DGKI: variants seen among roughly 807,000 people sequenced by gnomAD.
DGKI encodes the protein DAG kinase iota.
In DGKI, 55 loss-of-function variants were observed where a neutral mutation model predicts 147.5. The ratio of observed to expected loss-of-function variants is 0.37; its 90% confidence interval spans 0.30 to 0.47. The LOEUF (loss-of-function observed/expected upper bound fraction) is 0.47. DGKI is among the 20% of genes least tolerant of loss of function. The pLI is 1.00. For synonymous variants in DGKI, 469 were observed against 477.1 expected (o/e 0.98, Z 0.22); for missense variants, 1,007 against 1,323.8 (o/e 0.76, Z 3.71).
At chr7:137,571,443 TATC>T (rs1818790192) in intron 18 of DGKI, among the ~76,000 whole-genome samples, 157 bp from the exon 19 acceptor site, 1 of 152,258 alleles carries the variant, frequency 6.6e-6, no homozygotes, top group Non-Finnish European at 1.5e-5. Flanking sequence ...ATGCACTTCT[TATC>T]ATCTACAAAA....
intron 1 of DGKI, among the ~76,000 whole-genome samples, chr7:137,842,885 A>AGG (rs2117114454): frequency 6.6e-6 from 1 of 152,322 alleles, no homozygotes; most frequent in East Asian, 1.9e-4. Context: ...GCCGTGTATT[A>AGG]CAGATGAGGG....
At chr7:137,570,841 G>A (rs1046874781) in intron 19 of DGKI, among the ~76,000 whole-genome samples, 3 of 151,938 alleles carry the variant, frequency 2.0e-5, no homozygotes, top group African/African-American at 4.8e-5. Context: ...CACCCACCTC[G>A]GCCTCCCAAA....
chr7:137,775,940 C>A (rs541225097), intron 1 of DGKI, among the ~76,000 whole-genome samples: 1 of 151,214 alleles, frequency 6.6e-6, no homozygotes, highest in Admixed American at 6.6e-5. Context: ...CTCACTGCAA[C>A]CTCCGCCTCC....
chr7:137,727,813 C>T (rs929622587), intron 1 of DGKI, among the ~76,000 whole-genome samples: 1 of 152,146 alleles, frequency 6.6e-6, no homozygotes, highest in African/African-American at 2.4e-5. Context: ...GACCATTTTG[C>T]TTGTGGTCCG....
intron 21 of DGKI, among the ~76,000 whole-genome samples, chr7:137,504,940 T>C (rs1288367472): frequency 6.6e-6 from 1 of 152,008 alleles, no homozygotes. Context: ...AATGAAAAAT[T>C]AGCCACAGAC....
chr7:137,714,150 A>G (rs776142554), intron 1 of DGKI, among the ~76,000 whole-genome samples: 1 of 152,294 alleles, frequency 6.6e-6, no homozygotes, highest in Non-Finnish European at 1.5e-5. Context: ...ATTTTGGATT[A>G]TTTGCTATTA....
chr7:137,672,517 C>A (rs1771207430), intron 3 of DGKI, among the ~76,000 whole-genome samples: 1 of 152,172 alleles, frequency 6.6e-6, no homozygotes, highest in African/African-American at 2.4e-5. Context: ...GTGGGGAACC[C>A]AAACTGGGTA....
intron 8 of DGKI, among the ~76,000 whole-genome samples, chr7:137,618,830 C>G (rs554678501): frequency 6.6e-6 from 1 of 152,246 alleles, no homozygotes; most frequent in African/African-American, 2.4e-5. Flanking sequence ...AGACACTATA[C>G]TTGCCTCTGG....
At chr7:137,729,787 G>A (rs957805158) in intron 1 of DGKI, among the ~76,000 whole-genome samples, 32 of 151,938 alleles carry the variant, frequency 2.1e-4, no homozygotes, top group Non-Finnish European at 1.5e-5. Flanking sequence ...AATTTTCTTG[G>A]CCTTCAAGAC....
chr7:137,511,303 C>T (rs1229571517), intron 21 of DGKI, among the ~76,000 whole-genome samples: 1 of 152,174 alleles, frequency 6.6e-6, no homozygotes, highest in Admixed American at 6.5e-5. Flanking sequence ...GAAGTGACAG[C>T]CAGAAATTGA....
At chr7:137,595,232 T>G (rs1819743943) in intron 12 of DGKI, among the ~76,000 whole-genome samples, 1 of 152,240 alleles carries the variant, frequency 6.6e-6, no homozygotes, top group Non-Finnish European at 1.5e-5. Context: ...GTAGGTAGTC[T>G]ACATGTCAGG....
intron 28 of DGKI, among the ~76,000 whole-genome samples, chr7:137,432,708 G>C (rs940016042): frequency 1.3e-5 from 2 of 152,166 alleles, no homozygotes; most frequent in Non-Finnish European, 2.9e-5. Context: ...AAATATTTAT[G>C]AGATATGAGA....
intron 2 of DGKI, among the ~76,000 whole-genome samples, chr7:137,684,401 C>G (rs1356943501): frequency 6.6e-6 from 1 of 152,146 alleles, no homozygotes; most frequent in East Asian, 1.9e-4. Flanking sequence ...TAAAAATAAT[C>G]TTACCTATTT....
intron 8 of DGKI, 75 bp downstream of exon 8, chr7:137,619,749 C>G (rs1820674288): frequency 2.6e-6 from 3 of 1,144,270 alleles, no homozygotes; most frequent in Non-Finnish European, 3.9e-6. Context: ...AAAGACTAGT[C>G]TGGGGAGAAA....
At chr7:137,743,702 G>A (rs1225665680) in intron 1 of DGKI, among the ~76,000 whole-genome samples, 1 of 152,104 alleles carries the variant, frequency 6.6e-6, no homozygotes, top group African/African-American at 2.4e-5. Context: ...AACTAATCTT[G>A]GCCGGGCGCG....
chr7:137,472,125 A>G (rs1814935345), intron 23 of DGKI, among the ~76,000 whole-genome samples: 1 of 124,190 alleles, frequency 8.1e-6, no homozygotes, highest in African/African-American at 3.2e-5. Flanking sequence ...ATATAAATAT[A>G]TATACACATA....
rs145342836 is a variant in DGKI, at chr7:137,693,214, C to T, written c.402-3212G>A. ...TGTGGTTGGGAGTGGGATGAGGGGG[C>T]AGTAGTTTTATGCTGCAATTTGCTC... On this transcript the variant is annotated intron_variant, in intron 1 of 32. Coordinates refer to ENST00000614521, the MANE Select transcript of DGKI (RefSeq NM_001321708.2). 4.7e-4 allele frequency among the ~76,000 whole-genome samples: 72 copies of T among 152,082 alleles called. No homozygotes were observed. The East Asian group carries it at 0.013, about 27-fold the overall frequency.
At chr7:137,638,316 C>T (rs1173603397) in intron 6 of DGKI, among the ~76,000 whole-genome samples, 2 of 150,388 alleles carry the variant, frequency 1.3e-5, no homozygotes, top group African/African-American at 2.5e-5. Context: ...GTTCATGTTC[C>T]TCCTCCAATT....
At chr7:137,587,356 G>A in intron 12 of DGKI, 146 bp from the exon 13 acceptor site, 1 of 561,854 alleles carries the variant, frequency 1.8e-6, no homozygotes, top group Non-Finnish European at 2.9e-6. Context: ...AGTGAGTAGG[G>A]AACAGAAAGG....
Sources: gnomAD v4.1 joint callset for allele counts (sites outside exome capture counted in the v4.1 genomes callset) on GRCh38, gnomAD v4.1.1 for gene constraint, MANE v1.5 for transcripts, NCBI Gene and HGNC (gene_info 2026-07-23, HGNC 2026-07-21) for gene names.